Variants in FOXP2 observed in about 807,000 individuals in gnomAD.
FOXP2 encodes the protein forkhead box P2.
Under a neutral mutation model 115.8 loss-of-function variants are expected in FOXP2, and 12 were observed. The observed-to-expected ratio is 0.10, with a 90% CI of 0.07 to 0.17. The LOEUF (loss-of-function observed/expected upper bound fraction) is 0.17. Among genes scored for constraint, FOXP2 ranks in the 10% least tolerant of loss-of-function variants. The pLI is 1.00. For missense variants in FOXP2, 629 were observed against 843.5 expected, an observed-to-expected ratio of 0.75 and a Z score of 3.15; for synonymous variants, 328 against 297.7, an observed-to-expected ratio of 1.10 and a Z score of -1.05.
intron 2 of FOXP2, among the ~76,000 whole-genome samples, chr7:114,471,399 C>T (rs1251867656): frequency 6.6e-6 from 1 of 152,130 alleles, no homozygotes; most frequent in African/African-American, 2.4e-5. Context: ...TAACATGACA[C>T]TTTGCATCAG....
chr7:114,105,939 T>C (rs1319880963), intron 1 of FOXP2, among the ~76,000 whole-genome samples: 1 of 152,100 alleles, frequency 6.6e-6, no homozygotes, highest in Non-Finnish European at 1.5e-5. Flanking sequence ...ATTGAGAATC[T>C]GAGTCTTCAG....
At chr7:114,504,251 A>G (rs964212710) in intron 2 of FOXP2, among the ~76,000 whole-genome samples, 3 of 151,654 alleles carry the variant, frequency 2.0e-5, no homozygotes, top group Non-Finnish European at 4.4e-5. Context: ...TGATAATTTT[A>G]AGCAGTTATT....
chr7:114,519,437 C>A (rs1412204159), intron 2 of FOXP2, among the ~76,000 whole-genome samples: 1 of 152,098 alleles, frequency 6.6e-6, no homozygotes, highest in Non-Finnish European at 1.5e-5. Context: ...CCAGAGGATT[C>A]TGGCAGTAAG....
chr7:114,588,505 T>A (rs1047871071), intron 3 of FOXP2, among the ~76,000 whole-genome samples: 1 of 152,170 alleles, frequency 6.6e-6, no homozygotes, highest in African/African-American at 2.4e-5. Context: ...AATGAAATAC[T>A]CTCTGCCCAC....
chr7:114,618,770 A>G (rs1486196309), intron 3 of FOXP2, among the ~76,000 whole-genome samples: 1 of 152,170 alleles, frequency 6.6e-6, no homozygotes, highest in Non-Finnish European at 1.5e-5. Context: ...TTTAGATATT[A>G]AGTTTGAGTA....
chr7:114,192,047 C>T (rs1034389398), intron 1 of FOXP2, among the ~76,000 whole-genome samples: 5 of 152,198 alleles, frequency 3.3e-5, no homozygotes, highest in Admixed American at 1.3e-4. Flanking sequence ...CAGCAATTCT[C>T]CTGCCTCAGC....
chr7:114,635,430 T>TG (rs1308558026), intron 6 of FOXP2, among the ~76,000 whole-genome samples: 8 of 152,144 alleles, frequency 5.3e-5, no homozygotes, highest in African/African-American at 9.7e-5. Flanking sequence ...ATTTGTAACT[T>TG]GGGGAAAAAA....
chr7:114,412,676 C>A (rs1003476618), upstream of FOXP2, among the ~76,000 whole-genome samples: 1 of 152,126 alleles, frequency 6.6e-6, no homozygotes, highest in Non-Finnish European at 1.5e-5. Flanking sequence ...GTGCGGGAGG[C>A]ACCTATGGCT....
intron 1 of FOXP2, among the ~76,000 whole-genome samples, chr7:114,173,671 C>G (rs1456508693): frequency 6.6e-6 from 1 of 151,362 alleles, no homozygotes; most frequent in Non-Finnish European, 1.5e-5. Flanking sequence ...TTTGTCTTGG[C>G]CAAAGCCCAG....
In FOXP2 at chr7:114,430,830, ACAAGCATCTAC is replaced by A. The variant is rs1266580354; in HGVS notation, c.168+4155_168+4165del. ...ACTTATACTCGCTTAATCTCAATTG[ACAAGCATCTAC>A]CAAAATACTAGGTGTTTCTAGGTTA... is the stretch of plus-strand genomic sequence containing the variant. On this transcript the variant is annotated intron_variant, in intron 2 of 16. Coordinates refer to ENST00000350908, the MANE Select transcript of FOXP2 (RefSeq NM_014491.4). Among the ~76,000 whole-genome samples, 15 of 151,878 alleles carry A rather than the reference ACAAGCATCTAC, an allele frequency of 9.9e-5. No individual in the cohort carries two copies. In the Admixed American group the frequency reaches 9.9e-4, roughly 10 times the overall value.
At chr7:114,355,274 A>C (rs1158004790) in intron 2 of FOXP2, among the ~76,000 whole-genome samples, 3 of 152,122 alleles carry the variant, frequency 2.0e-5, no homozygotes, top group Non-Finnish European at 4.4e-5. Context: ...TTTGGCCTCC[A>C]CAGGTGATTC....
intron 1 of FOXP2, among the ~76,000 whole-genome samples, chr7:114,101,793 G>C (rs1422762766): frequency 6.6e-6 from 1 of 151,718 alleles, no homozygotes; most frequent in Non-Finnish European, 1.5e-5. Flanking sequence ...TAATCTATTG[G>C]TCATGTATAC....
At chr7:114,377,630 C>T (rs148827452) in intron 2 of FOXP2, among the ~76,000 whole-genome samples, 393 of 152,256 alleles carry the variant, frequency 2.6e-3, no homozygotes, top group Admixed American at 4.1e-3. Context: ...GGACTGGAGA[C>T]TCCTAGAGCT....
chr7:114,687,996 A>G (rs1808451950), intron 16 of FOXP2, among the ~76,000 whole-genome samples: 1 of 152,048 alleles, frequency 6.6e-6, no homozygotes, highest in African/African-American at 2.4e-5. Context: ...ACATATATAC[A>G]TACATATACA....
At chr7:114,498,800 G>T in intron 2 of FOXP2, 1 of 711,064 alleles carries the variant, frequency 1.4e-6, no homozygotes, top group South Asian at 1.5e-5. Context: ...TTTTTTTGGG[G>T]GTATATGTCA....
At chr7:114,232,012 C>CA (rs202064974) in intron 1 of FOXP2, among the ~76,000 whole-genome samples, 1,623 of 151,710 alleles carry the variant, frequency 0.011, 23 homozygotes, top group Admixed American at 0.017. Flanking sequence ...ATCTCAGTGG[C>CA]AAAAAAACAA....
At chr7:114,457,615 A>G (rs1795365820) in intron 2 of FOXP2, among the ~76,000 whole-genome samples, 1 of 152,106 alleles carries the variant, frequency 6.6e-6, no homozygotes, top group African/African-American at 2.4e-5. Context: ...ATATATTCTC[A>G]TGGCTGGGCG....
chr7:114,121,377 C>T (rs1258806504), intron 1 of FOXP2, among the ~76,000 whole-genome samples: 1 of 152,078 alleles, frequency 6.6e-6, no homozygotes, highest in African/African-American at 2.4e-5. Context: ...TTTCAGCCAC[C>T]AGTCTATGGT....
chr7:114,530,616 A>G (rs1799098802), intron 2 of FOXP2, among the ~76,000 whole-genome samples: 1 of 151,782 alleles, frequency 6.6e-6, no homozygotes, highest in African/African-American at 2.4e-5. Flanking sequence ...GTAATTTTAT[A>G]TTTGGTGAAA....
Sources: allele counts gnomAD v4.1 joint callset (sites outside exome capture counted in the v4.1 genomes callset), GRCh38; gene constraint gnomAD v4.1.1; transcripts MANE v1.5; gene names NCBI Gene and HGNC (gene_info 2026-07-23, HGNC 2026-07-21).